Variants in TTLL8 observed in about 807,000 individuals in gnomAD.
TTLL8 encodes tubulin tyrosine ligase like 8.
In TTLL8, 65 loss-of-function variants were observed where a neutral mutation model predicts 77.8. The observed-to-expected ratio is 0.84, with a 90% CI of 0.68 to 1.03. The LOEUF (loss-of-function observed/expected upper bound fraction) is 1.03, where lower values mean the gene tolerates loss of function less well. Ranked by LOEUF, TTLL8 falls within the 50% of genes least tolerant of loss-of-function variation. TTLL8 has a pLI of 0.00. For missense variants in TTLL8, 910 were observed against 1,004.5 expected (o/e 0.91, Z 1.27); for synonymous variants, 402 against 422.8 (o/e 0.95, Z 0.60).
chr22:50,047,248 T>C (rs758201383), exon 4 of TTLL8: 5 of 1,367,634 alleles, frequency 3.7e-6, no homozygotes, highest in South Asian at 3.4e-5. Context: ...ATGATGTCCC[T>C]CTTGATGGTC....
intron 4 of TTLL8, among the ~76,000 whole-genome samples, chr22:50,046,812 G>T (rs1284561825): frequency 6.6e-6 from 1 of 152,214 alleles, no homozygotes; most frequent in African/African-American, 2.4e-5. Flanking sequence ...GGGGGAGGCG[G>T]GGGAGTGCCC....
At chr22:50,033,824 C>T (rs981254943) in intron 9 of TTLL8, among the ~76,000 whole-genome samples, 4 of 152,136 alleles carry the variant, frequency 2.6e-5, no homozygotes, top group African/African-American at 7.2e-5. Context: ...CACTTGAGGT[C>T]GGGAGTTCAA....
chr22:50,050,228 A>G, exon 2 of TTLL8: 6 of 1,338,798 alleles, frequency 4.5e-6, no homozygotes, highest in Non-Finnish European at 6.0e-6. Flanking sequence ...GTGTCCGTAG[A>G]TAGAGAAAAT....
At chr22:50,047,846 C>A (rs982926453) in intron 3 of TTLL8, among the ~76,000 whole-genome samples, 3 of 152,190 alleles carry the variant, frequency 2.0e-5, no homozygotes, top group Admixed American at 1.3e-4. Context: ...GCCTGTAATC[C>A]CAACACTTTG....
chr22:50,052,415 A>G (rs1402878845), intron 1 of TTLL8, among the ~76,000 whole-genome samples: 2 of 152,238 alleles, frequency 1.3e-5, no homozygotes, highest in Admixed American at 6.5e-5. Flanking sequence ...GAGAGGGGAA[A>G]GGGGGATTTA....
At chr22:50,056,792 G>C (rs1210846376), upstream of TTLL8, 3 of 1,289,042 alleles carry the variant, frequency 2.3e-6, no homozygotes, top group East Asian at 1.7e-4. The surrounding 1 kb of genome is among the most constrained non-coding windows in gnomAD (Gnocchi z 4.1). Flanking sequence ...CCTGGCAGCA[G>C]GCTGCAGCCA....
Position 50,044,298 on chromosome 22 carries a change from A to T in TTLL8, c.643+957T>A, listed in dbSNP as rs2061394604. ...ATGCCATTGTACTTCAACCTGGGTG[A>T]CAGAGCAAGACTCCATCTCAAAAAA... On this transcript the variant is annotated intron_variant, in intron 6 of 13. Transcript: ENST00000266182. This position sits in a 1 kb window ranked among gnomAD's most constrained non-coding sequence, Gnocchi z 4.2. Among the ~76,000 whole-genome samples the T allele has an allele frequency of 6.6e-6, 1 of 152,030 alleles. No individual in the cohort carries two copies. Among genetic ancestry groups the T allele is most frequent in the South Asian group, 2.1e-4 (1 of 4,812 alleles).
chr22:50,055,884 A>T (rs1247769751), upstream of TTLL8, among the ~76,000 whole-genome samples: 1 of 152,090 alleles, frequency 6.6e-6, no homozygotes, highest in South Asian at 2.1e-4. Flanking sequence ...TGAGGCTGAG[A>T]CCTACAGGGC....
At position 50,053,881 on chromosome 22, in the gene TTLL8, C is replaced by T. The variant is rs116552858; in HGVS notation, c.51+695G>A. On this transcript the variant is annotated intron_variant, in intron 1 of 13. Coordinates refer to ENST00000266182, the Ensembl canonical transcript of TTLL8. ...CCATATTTGTACACGTTCTGCTCTC[C>T]GTCCGGGTGTGTCCGGCCGTAACAT... Among the ~76,000 whole-genome samples the T allele has an allele frequency of 6.7e-3, 1,023 of 152,192 alleles. 14 individuals carry two copies. Among genetic ancestry groups the T allele is most frequent in the African/African-American group, 0.024 (981 of 41,526 alleles).
intron 5 of TTLL8, 145 bp from the exon 8 acceptor site, chr22:50,045,534 T>C (rs1373036253): frequency 1.8e-5 from 13 of 712,504 alleles, no homozygotes; most frequent in South Asian, 1.6e-5. Context: ...ACACCCCCAG[T>C]CTGCCTGCCC....
At chr22:50,054,794 A>G (rs1194770422), upstream of TTLL8, among the ~76,000 whole-genome samples, 1 of 152,246 alleles carries the variant, frequency 6.6e-6, no homozygotes, top group Non-Finnish European at 1.5e-5. Context: ...GCAGTCACTC[A>G]TGCCTGTAAT....
chr22:50,026,124 G>C (rs2061228411), intron 12 of TTLL8, among the ~76,000 whole-genome samples: 1 of 152,236 alleles, frequency 6.6e-6, no homozygotes, highest in African/African-American at 2.4e-5. Flanking sequence ...TGGAAGCAAG[G>C]CAGCTGTCCG....
chr22:50,047,295 G>C, exon 4 of TTLL8: 1 of 1,367,512 alleles, frequency 7.3e-7, no homozygotes, highest in Non-Finnish European at 9.8e-7. Context: ...TACCAACCTA[G>C]ACTGGCAAGA....
Position 50,040,600 on chromosome 22 carries a change from C to T in TTLL8, c.921+587G>A, listed in dbSNP as rs185455476. On this transcript the variant is annotated intron_variant, in intron 8 of 13. Coordinates refer to ENST00000266182, the Ensembl canonical transcript of TTLL8. ...TGGGCTGTGGCTATGCAGGTGGACA[C>T]GTAAGCAAAATTTCTTCCACCTGTA... 2.0e-5 allele frequency among the ~76,000 whole-genome samples: 3 copies of T among 152,286 alleles called. No homozygotes were observed. The East Asian group carries it at 5.8e-4, about 29-fold the overall frequency.
At chr22:50,048,486 C>T (rs1471227380) in intron 3 of TTLL8, among the ~76,000 whole-genome samples, 1 of 152,088 alleles carries the variant, frequency 6.6e-6, no homozygotes, top group Non-Finnish European at 1.5e-5. Context: ...CTCACAGCAC[C>T]CAGCCACACT....
chr22:50,045,042 AGGTGCTTTACAAACGG>A (rs2061399715), intron 6 of TTLL8, 197 bp downstream of exon 8: 1 of 250,994 alleles, frequency 4.0e-6, no homozygotes, highest in Non-Finnish European at 6.3e-6. Context: ...GTTAACTGCC[AGGTGCTTTACAAACGG>A]GGTGACTTTG....
Position 50,029,409 on chromosome 22 carries a change from C to CA in TTLL8, c.2203+1020_2203+1021insT, listed in dbSNP as rs1555953692. Among the ~76,000 whole-genome samples the CA allele has an allele frequency of 2.9e-5, 4 of 139,100 alleles. 1 individual carries two copies. The highest frequency in any genetic ancestry group is 5.3e-4 in the South Asian group (2 of 3,748). The allele number at this position is 139,100 out of a possible 152,430, so 91.3% of individuals were successfully genotyped here. ...ACCCCATCACACCATCCTGAAGACC[C>CA]CACACACACTCGTAAAGACCCCATC... On this transcript the variant is annotated intron_variant, in intron 12 of 13. Transcript: ENST00000266182.
In TTLL8 at chr22:50,031,665, C is replaced by T. The variant is rs984413696; in HGVS notation, c.1707+21G>A. On this transcript the variant is annotated intron_variant, in intron 11 of 13. Transcript: ENST00000266182. ...ACATGGCGGGCGGCCACCAAAGTCCCCAGGGGCGGGCGTGGCTCACCTGCC... is the reference window on the plus strand; with the variant it reads ...ACATGGCGGGCGGCCACCAAAGTCCTCAGGGGCGGGCGTGGCTCACCTGCC... 11 of 1,260,262 alleles carry T rather than the reference C, an allele frequency of 8.7e-6. No individual in the cohort carries two copies. In the African/African-American group the frequency reaches 1.2e-4, roughly 14 times the overall value. The allele number at this position is 1,260,262 out of a possible 1,614,324, so 78.1% of individuals were successfully genotyped here. A position where few individuals can be genotyped will look rare whatever the true frequency, so the allele number is the denominator to read the frequency against.
chr22:50,024,783 G>A (rs941936746), intron 12 of TTLL8, among the ~76,000 whole-genome samples: 6 of 152,210 alleles, frequency 3.9e-5, no homozygotes, highest in Admixed American at 3.9e-4. Flanking sequence ...TAAGCACCAG[G>A]AGACCTGTGG....
Sources: allele counts gnomAD v4.1 joint callset (sites outside exome capture counted in the v4.1 genomes callset), GRCh38; gene constraint gnomAD v4.1.1; non-coding constraint Gnocchi (gnomAD v3.1); transcripts MANE v1.5; gene names NCBI Gene and HGNC (gene_info 2026-07-23, HGNC 2026-07-21).